ATP10A: variants seen among roughly 807,000 people sequenced by gnomAD.
ATP10A encodes phospholipid-transporting ATPase VA.
ATP10A carries 111 observed loss-of-function variants against 147.8 expected under a neutral mutation model. The ratio of observed to expected loss-of-function variants is 0.75; its 90% confidence interval spans 0.64 to 0.88. The LOEUF (loss-of-function observed/expected upper bound fraction) is 0.88, where lower values mean the gene tolerates loss of function less well. Ranked by LOEUF, ATP10A falls within the 40% of genes least tolerant of loss-of-function variation. ATP10A has a pLI of 0.00. For missense variants in ATP10A, 1,927 were observed against 1,959.0 expected (o/e 0.98, Z 0.31); for synonymous variants, 875 against 841.6 (o/e 1.04, Z -0.69).
intron 1 of ATP10A, among the ~76,000 whole-genome samples, chr15:25,806,066 C>T (rs1891164832): frequency 6.6e-6 from 1 of 152,172 alleles, no homozygotes; most frequent in African/African-American, 2.4e-5. Flanking sequence ...ATTCCACGTA[C>T]TACATGAAAC....
chr15:25,759,290 CAGGT>C, intron 2 of ATP10A, among the ~76,000 whole-genome samples: 1 of 152,264 alleles, frequency 6.6e-6, no homozygotes, highest in East Asian at 1.9e-4. Context: ...TTTTTATCCT[CAGGT>C]AGAAGGCATA....
intron 1 of ATP10A, among the ~76,000 whole-genome samples, chr15:25,833,797 C>A (rs771119078): frequency 3.3e-5 from 5 of 152,010 alleles, no homozygotes; most frequent in Non-Finnish European, 5.9e-5. Flanking sequence ...ACGGTGAAAC[C>A]CCATCTCTAC....
chr15:25,732,074 A>G (rs1010582625), intron 3 of ATP10A, among the ~76,000 whole-genome samples: 3 of 152,006 alleles, frequency 2.0e-5, no homozygotes, highest in Non-Finnish European at 2.9e-5. Flanking sequence ...GTCTCACTAC[A>G]TTGTCCAGGC....
chr15:25,857,726 A>G (rs896343368), intron 1 of ATP10A, among the ~76,000 whole-genome samples: 3 of 152,166 alleles, frequency 2.0e-5, no homozygotes, highest in Admixed American at 6.5e-5. Flanking sequence ...TAATTATTTT[A>G]AAGAGGCCTG....
rs570070195 is a variant in ATP10A, at chr15:25,711,206, C to G, written c.2344+2468G>C. On this transcript the variant is annotated intron_variant, in intron 10 of 20. Transcript: ENST00000555815. ...ACAGTCACATCCACTATCTGCTCAG[C>G]CAACTCGGGCCTCTTCTGGTGAAAG... is the stretch of plus-strand genomic sequence containing the variant. Among the ~76,000 whole-genome samples, 5 of 152,224 alleles carry G rather than the reference C, an allele frequency of 3.3e-5. No individual in the cohort carries two copies. The East Asian group carries it at 9.7e-4, about 29-fold the overall frequency.
chr15:25,775,708 G>A (rs559609381), intron 2 of ATP10A, among the ~76,000 whole-genome samples: 4 of 152,352 alleles, frequency 2.6e-5, no homozygotes, highest in East Asian at 3.9e-4. Context: ...CTGGGATTGT[G>A]GGCACTCATC....
At chr15:25,751,780 T>C (rs1174048550) in intron 2 of ATP10A, among the ~76,000 whole-genome samples, 1 of 152,144 alleles carries the variant, frequency 6.6e-6, no homozygotes, top group African/African-American at 2.4e-5. Context: ...AATGGATTAA[T>C]ATCCAAAGTA....
intron 1 of ATP10A, among the ~76,000 whole-genome samples, chr15:25,820,220 A>G (rs1891823490): frequency 6.6e-6 from 1 of 152,218 alleles, no homozygotes; most frequent in East Asian, 1.9e-4. Flanking sequence ...CTGCATCAGC[A>G]ATAACTAGCT....
chr15:25,727,888 G>A (rs1596770401), intron 3 of ATP10A, among the ~76,000 whole-genome samples: 4 of 152,318 alleles, frequency 2.6e-5, no homozygotes, highest in South Asian at 4.1e-4. Flanking sequence ...TGTCCTCCGG[G>A]CCCACTGATG....
intron 1 of ATP10A, among the ~76,000 whole-genome samples, chr15:25,832,232 C>T (rs992547222): frequency 5.9e-5 from 9 of 152,210 alleles, no homozygotes; most frequent in African/African-American, 1.2e-4. Flanking sequence ...CCTGCCCACA[C>T]GCTGGTCTCA....
chr15:25,833,286 A>AT (rs1892442123), intron 1 of ATP10A, among the ~76,000 whole-genome samples: 1 of 151,576 alleles, frequency 6.6e-6, no homozygotes, highest in South Asian at 2.1e-4. Flanking sequence ...CCGGGCCCAT[A>AT]TTTTTTTATT....
downstream of ATP10A, chr15:25,677,996 C>T (rs948275670): frequency 2.6e-5 from 4 of 152,152 alleles, no homozygotes; most frequent in Non-Finnish European, 5.9e-5. Flanking sequence ...GGGGTGACTC[C>T]AGCCAAGCAT....
intron 1 of ATP10A, among the ~76,000 whole-genome samples, chr15:25,849,159 C>CT (rs1351531698): frequency 6.6e-6 from 1 of 152,034 alleles, no homozygotes; most frequent in Non-Finnish European, 1.5e-5. Context: ...GGACAAAGGG[C>CT]TGTCCCTAGC....
chr15:25,836,385 T>C (rs991980553), intron 1 of ATP10A, among the ~76,000 whole-genome samples: 3 of 152,184 alleles, frequency 2.0e-5, no homozygotes, highest in Non-Finnish European at 2.9e-5. Flanking sequence ...CCGCGGGTTG[T>C]CTGAACCAAC....
chr15:25,717,211 G>T (rs1175569908), intron 8 of ATP10A, among the ~76,000 whole-genome samples: 1 of 150,324 alleles, frequency 6.7e-6, no homozygotes, highest in Non-Finnish European at 1.5e-5. Context: ...CATATTGGTG[G>T]TTTCCATTTT....
chr15:25,852,446 C>G (rs977689497), intron 1 of ATP10A, among the ~76,000 whole-genome samples: 1 of 152,042 alleles, frequency 6.6e-6, no homozygotes, highest in East Asian at 1.9e-4. Context: ...GAACCAATAT[C>G]GCAAAATATG....
At chr15:25,861,773 A>C (rs1180800805) in intron 1 of ATP10A, 1 of 153,860 alleles carries the variant, frequency 6.5e-6, no homozygotes, top group Non-Finnish European at 1.4e-5. Context: ...GAAAGCTAAG[A>C]CGACCCACCT....
chr15:25,802,362 G>A (rs1239341504), intron 1 of ATP10A, among the ~76,000 whole-genome samples: 2 of 152,102 alleles, frequency 1.3e-5, no homozygotes, highest in Non-Finnish European at 2.9e-5. Context: ...CGTCCAGCAG[G>A]TTCTCTCAGG....
chr15:25,804,385 G>C (rs1035725625), intron 1 of ATP10A, among the ~76,000 whole-genome samples: 1 of 150,894 alleles, frequency 6.6e-6, no homozygotes. Context: ...CATGGTGTGT[G>C]TGAGTGCATA....
Sources: gnomAD v4.1 joint callset for allele counts (sites outside exome capture counted in the v4.1 genomes callset) on GRCh38, gnomAD v4.1.1 for gene constraint, MANE v1.5 for transcripts, NCBI Gene and HGNC (gene_info 2026-07-23, HGNC 2026-07-21) for gene names.